The following ZNF79 variants were observed in gnomAD, a reference collection of about 807,000 sequenced individuals.
ZNF79 encodes the protein ZNFpT7.
ZNF79 carries 13 observed loss-of-function variants against 14.9 expected under a neutral mutation model. The observed-to-expected ratio is 0.87, with a 90% CI of 0.57 to 1.38. ZNF79 has a LOEUF of 1.38. Ranked by LOEUF, ZNF79 falls within the 40% of genes most tolerant of loss-of-function variation. The pLI, the probability that ZNF79 is intolerant of heterozygous loss-of-function variation, is 0.00. For synonymous variants in ZNF79, 223 were observed against 235.1 expected, an observed-to-expected ratio of 0.95 and a Z score of 0.47; for missense variants, 631 against 630.6, an observed-to-expected ratio of 1.00 and a Z score of -0.01.
At chr9:127,431,459 G>A (rs889867631) in intron 2 of ZNF79, among the ~76,000 whole-genome samples, 1 of 151,960 alleles carries the variant, frequency 6.6e-6, no homozygotes, top group Non-Finnish European at 1.5e-5. Flanking sequence ...TTTTTGGCTA[G>A]GCTGTTCTTG....
chr9:127,427,234 G>A (rs536585618), intron 1 of ZNF79, among the ~76,000 whole-genome samples: 10 of 148,596 alleles, frequency 6.7e-5, no homozygotes, highest in African/African-American at 1.5e-4. Context: ...CCTGGCCAAC[G>A]TGGTGAAACC....
chr9:127,424,581 A>T lies in ZNF79; in HGVS notation c.-207A>T, dbSNP rs1056747598. 3 of 587,262 alleles carry T rather than the reference A, an allele frequency of 5.1e-6. No homozygotes were observed. Among genetic ancestry groups the T allele is most frequent in the East Asian group, 2.9e-5 (1 of 34,164 alleles). The allele number at this position is 587,262 out of a possible 1,614,324, so 36.4% of individuals were successfully genotyped here. A position where few individuals can be genotyped will look rare whatever the true frequency, so the allele number is the denominator to read the frequency against. ...AGAGTGGCTGTGACTCGGGAGACGG[A>T]GTGGAACACCCGGCTGGGCAGGCCC... On this transcript the variant is annotated 5_prime_UTR_variant, in exon 1 of 5. Transcript: ENST00000342483.
At chr9:127,441,208 AC>A (rs1834042034) in intron 4 of ZNF79, among the ~76,000 whole-genome samples, 2 of 152,084 alleles carry the variant, frequency 1.3e-5, no homozygotes, top group South Asian at 2.1e-4. Flanking sequence ...CTCTTGGTGG[AC>A]TGGGGGCATT....
intron 4 of ZNF79, among the ~76,000 whole-genome samples, chr9:127,442,427 G>T (rs992205739): frequency 6.6e-6 from 1 of 151,758 alleles, no homozygotes; most frequent in African/African-American, 2.4e-5. Context: ...AAAAGAAAAG[G>T]TATGGTAAAA....
At position 127,435,128 on chromosome 9, in the gene ZNF79, A is replaced by G; in HGVS notation, c.144A>G (p.Ala48=). The change falls in exon 3 of 5, where the codon GCA becomes GCG. Residue 48 remains alanine (A), a synonymous_variant. Coordinates refer to ENST00000342483, the MANE Select transcript of ZNF79 (RefSeq NM_007135.3). ...TFFSSVTVAF[A]QERWRCLVST... ...TCAGCAGTGTGACGGTAGCTTTTGC[A>G]CAGGAAAGGTGGAGGTGCCTCGTGT... 1 of 1,613,050 alleles carries G rather than the reference A, an allele frequency of 6.2e-7. No homozygotes were observed. The highest frequency in any genetic ancestry group is 8.5e-7 in the Non-Finnish European group (1 of 1,179,518).
At chr9:127,432,216 C>T (rs4400487) in intron 2 of ZNF79, among the ~76,000 whole-genome samples, 86,349 of 148,128 alleles carry the variant, frequency 0.58, 25,351 homozygotes, top group Admixed American at 0.62. Context: ...GGCGCGATGT[C>T]GGCTCACTGC....
intron 4 of ZNF79, among the ~76,000 whole-genome samples, chr9:127,443,378 G>A (rs1335242238): frequency 2.0e-5 from 3 of 152,112 alleles, no homozygotes; most frequent in Non-Finnish European, 2.9e-5. Flanking sequence ...CTGTGCCACC[G>A]CCCTCCAGCC....
chr9:127,445,232 C>T lies in ZNF79; in HGVS notation c.*35C>T. 1 of 1,598,320 alleles carries T rather than the reference C, an allele frequency of 6.3e-7. No homozygotes were observed. Among genetic ancestry groups the T allele is most frequent in the Non-Finnish European group, 8.5e-7 (1 of 1,169,958 alleles). ...TGGTAGAAGTGGAGAGAGTCCCGGA[C>T]ATGCCGACTCAGGACAGGTGGGTGA... On this transcript the variant is annotated 3_prime_UTR_variant, in exon 5 of 5. Coordinates refer to ENST00000342483, the MANE Select transcript of ZNF79 (RefSeq NM_007135.3).
In ZNF79 at chr9:127,445,223, A is replaced by G; in HGVS notation, c.*26A>G. 6.2e-7 allele frequency: 1 copy of G among 1,606,296 alleles called. No homozygotes were observed. The highest frequency in any genetic ancestry group is 8.5e-7 in the Non-Finnish European group (1 of 1,174,888). ...CTAGGAACATGGTAGAAGTGGAGAG[A>G]GTCCCGGACATGCCGACTCAGGACA... On this transcript the variant is annotated 3_prime_UTR_variant, in exon 5 of 5. Transcript: ENST00000342483.
chr9:127,430,500 C>T (rs1727404798), intron 2 of ZNF79, among the ~76,000 whole-genome samples: 1 of 152,184 alleles, frequency 6.6e-6, no homozygotes, highest in Admixed American at 6.6e-5. Context: ...AGCTTCCCCA[C>T]TTATCAATAA....
At chr9:127,438,719 A>T (rs1054702902) in intron 4 of ZNF79, among the ~76,000 whole-genome samples, 1 of 152,146 alleles carries the variant, frequency 6.6e-6, no homozygotes, top group Non-Finnish European at 1.5e-5. Flanking sequence ...CCACAATCAC[A>T]TTAGAGTCCT....
Position 127,424,889 on chromosome 9 carries a change from ACT to A in ZNF79, c.16+91_16+92del, listed in dbSNP as rs1564229013. 4 of 1,594,428 alleles carry A rather than the reference ACT, an allele frequency of 2.5e-6. No individual in the cohort carries two copies. The African/African-American group carries it at 4.0e-5, about 16-fold the overall frequency. On this transcript the variant is annotated intron_variant, in intron 1 of 4. Transcript: ENST00000342483. The stretch of plus-strand genomic sequence containing the variant: ...CTGCCGCTGTGTGAGCCGAATCAGA[ACT>A]CTCTTTATCTCTCCTACAGGTAGTT...
Position 127,439,872 on chromosome 9 carries a change from T to A in ZNF79, c.328+3869T>A, listed in dbSNP as rs373183396. Among the ~76,000 whole-genome samples the A allele has an allele frequency of 8.9e-4, 136 of 152,326 alleles. 1 individual carries two copies. The highest frequency in any genetic ancestry group is 3.2e-3 in the African/African-American group (133 of 41,562). On this transcript the variant is annotated intron_variant, in intron 4 of 4. Transcript: ENST00000342483. Reference sequence around the variant, plus strand: ...GAGCAAACAATAACTAATCTACTTTTTTTTTCTTGAGACGGAGTCTCATTC... The same window carrying A: ...GAGCAAACAATAACTAATCTACTTTATTTTTCTTGAGACGGAGTCTCATTC...
At chr9:127,425,939 A>G (rs1833745469) in intron 1 of ZNF79, among the ~76,000 whole-genome samples, 1 of 152,146 alleles carries the variant, frequency 6.6e-6, no homozygotes, top group Non-Finnish European at 1.5e-5. Context: ...AGAGAGTGCA[A>G]TTTCACATCC....
chr9:127,424,505 C>T lies in ZNF79; in HGVS notation c.-283C>T. On this transcript the variant is annotated 5_prime_UTR_variant, in exon 1 of 5. Transcript: ENST00000342483. ...CAGTTGCCAGTTGCCAGTCGTTTTT[C>T]GGAAAGCTGGCAGCGGCTTTTTCAC... The T allele has an allele frequency of 2.6e-6, 1 of 391,140 alleles. No individual in the cohort carries two copies. The highest frequency in any genetic ancestry group is 4.7e-6 in the Non-Finnish European group (1 of 212,626). The allele number at this position is 391,140 out of a possible 1,614,324, so 24.2% of individuals were successfully genotyped here.
chr9:127,430,287 TC>T (rs1833837244), intron 2 of ZNF79, among the ~76,000 whole-genome samples: 1 of 152,206 alleles, frequency 6.6e-6, no homozygotes. Context: ...TATTTTAGAT[TC>T]GGGGGTATGT....
chr9:127,426,564 C>T (rs556438461), intron 1 of ZNF79, among the ~76,000 whole-genome samples: 128 of 152,230 alleles, frequency 8.4e-4, no homozygotes, highest in African/African-American at 2.9e-3. Flanking sequence ...TTAGTAGACA[C>T]AGGGTTTCAC....
intron 2 of ZNF79, among the ~76,000 whole-genome samples, chr9:127,431,525 A>G (rs556743651): frequency 2.6e-5 from 4 of 152,122 alleles, no homozygotes; most frequent in Non-Finnish European, 4.4e-5. Flanking sequence ...CTAAGATTAC[A>G]AGTGTGAGCC....
chr9:127,427,216 G>A (rs1012105257), intron 1 of ZNF79, among the ~76,000 whole-genome samples: 13 of 149,138 alleles, frequency 8.7e-5, no homozygotes, highest in African/African-American at 2.2e-4. Flanking sequence ...TCAGGAGTTC[G>A]AGACCAGCCT....
Sources: allele counts gnomAD v4.1 joint callset (sites outside exome capture counted in the v4.1 genomes callset), GRCh38; gene constraint gnomAD v4.1.1; transcripts MANE v1.5; gene names NCBI Gene and HGNC (gene_info 2026-07-23, HGNC 2026-07-21).